Variants in FRAS1 observed in about 807,000 individuals in gnomAD.
FRAS1 encodes Fraser extracellular matrix complex subunit 1.
A neutral mutation model predicts 435.2 loss-of-function variants in FRAS1; 290 were observed. The observed-to-expected ratio is 0.67, with a 90% CI of 0.61 to 0.73. FRAS1 has a LOEUF of 0.73. Among genes scored for constraint, FRAS1 ranks in the 30% least tolerant of loss-of-function variants. The pLI is 0.00. For missense variants in FRAS1, 4,860 were observed against 5,001.5 expected (o/e 0.97, Z 0.85); for synonymous variants, 1,800 against 1,851.0 (o/e 0.97, Z 0.71).
At chr4:78,083,619 A>G (rs569423981) in intron 2 of FRAS1, among the ~76,000 whole-genome samples, 1 of 134,780 alleles carries the variant, frequency 7.4e-6, no homozygotes, top group Non-Finnish European at 1.5e-5. Flanking sequence ...CATTACATGC[A>G]AGTTCTGTTT....
At chr4:78,423,896 C>T (rs1733897151) in intron 34 of FRAS1, among the ~76,000 whole-genome samples, 1 of 152,174 alleles carries the variant, frequency 6.6e-6, no homozygotes, top group African/African-American at 2.4e-5. Context: ...ACTAAACTCG[C>T]CCGAGTTCCT....
chr4:78,142,346 A>G (rs1720229982), intron 2 of FRAS1, among the ~76,000 whole-genome samples: 1 of 151,974 alleles, frequency 6.6e-6, no homozygotes, highest in Non-Finnish European at 1.5e-5. Flanking sequence ...CCAGAAGCAA[A>G]ATTTTTCCTC....
chr4:78,479,523 A>G lies in FRAS1; in HGVS notation c.8248A>G (p.Met2750Val), dbSNP rs529505020. Reference protein sequence around the residue: ...SRVIFGPGVTMSTCDVMLIDD... With the variant: ...SRVIFGPGVTVSTCDVMLIDD... ...TGTGATATTCGGGCCTGGTGTGACCATGTCCACCTGTGATGTCATGCTTAT... is the reference window on the plus strand; with the variant it reads ...TGTGATATTCGGGCCTGGTGTGACCGTGTCCACCTGTGATGTCATGCTTAT... The change falls in exon 56 of 74, where the codon ATG becomes GTG. Residue 2750 changes from methionine (M) to valine (V), a missense_variant. Met to Val is a conservative substitution (Grantham distance 21). Transcript: ENST00000512123. 11 of 1,613,968 alleles carry G rather than the reference A, an allele frequency of 6.8e-6. No homozygotes were observed. Among genetic ancestry groups the G allele is most frequent in the South Asian group, 6.6e-5 (6 of 91,074 alleles).
chr4:78,463,879 G>T, intron 47 of FRAS1, 142 bp from the exon 48 acceptor site: 1 of 866,022 alleles, frequency 1.2e-6, no homozygotes, highest in Non-Finnish European at 1.8e-6. Flanking sequence ...CTAACAACAA[G>T]GTCCTCAAGT....
At chr4:78,160,682 C>A (rs1721101517) in intron 2 of FRAS1, among the ~76,000 whole-genome samples, 2 of 152,070 alleles carry the variant, frequency 1.3e-5, no homozygotes, top group South Asian at 4.1e-4. Context: ...ATGTTAAACA[C>A]CTGAACATGC....
At chr4:78,208,139 A>G (rs1189718118) in intron 2 of FRAS1, among the ~76,000 whole-genome samples, 1 of 152,130 alleles carries the variant, frequency 6.6e-6, no homozygotes, top group Non-Finnish European at 1.5e-5. Flanking sequence ...GACAACCCCC[A>G]CTAACAGCCC....
intron 2 of FRAS1, among the ~76,000 whole-genome samples, chr4:78,115,642 G>T (rs933390603): frequency 6.6e-6 from 1 of 152,028 alleles, no homozygotes; most frequent in African/African-American, 2.4e-5. Flanking sequence ...ATTCTCTGAT[G>T]GTAGTTTGTA....
intron 2 of FRAS1, among the ~76,000 whole-genome samples, chr4:78,145,536 A>C (rs2110004155): frequency 6.6e-6 from 1 of 152,320 alleles, no homozygotes; most frequent in African/African-American, 2.4e-5. Context: ...AGCTCATTGA[A>C]GGAAGGGTTA....
chr4:78,426,533 A>C (rs1734005185), intron 35 of FRAS1, among the ~76,000 whole-genome samples: 1 of 152,188 alleles, frequency 6.6e-6, no homozygotes, highest in Admixed American at 6.5e-5. Flanking sequence ...GGCAGGAAAA[A>C]GCCCAAGAGC....
At chr4:78,120,014 T>C (rs1718920357) in intron 2 of FRAS1, among the ~76,000 whole-genome samples, 1 of 152,204 alleles carries the variant, frequency 6.6e-6, no homozygotes, top group Admixed American at 6.5e-5. Flanking sequence ...AAAATATGTC[T>C]CTTTGTTTGC....
intron 2 of FRAS1, among the ~76,000 whole-genome samples, chr4:78,088,022 A>G (rs2109891285): frequency 6.6e-6 from 1 of 152,314 alleles, no homozygotes; most frequent in East Asian, 1.9e-4. Flanking sequence ...CTGACTTCAA[A>G]CTATACTACA....
intron 14 of FRAS1, among the ~76,000 whole-genome samples, chr4:78,296,093 G>A (rs1466513087): frequency 6.6e-6 from 1 of 151,164 alleles, no homozygotes; most frequent in Non-Finnish European, 1.5e-5. Flanking sequence ...TTCTCACTAA[G>A]CAGTGTTTCT....
Position 78,514,406 on chromosome 4 carries a change from C to G in FRAS1, c.10174+854C>G, listed in dbSNP as rs1431752064. Reference sequence around the variant, plus strand: ...ATTAAATGCATATTTCCTCCTTTCACAAATGATGAAACACTTAACAGTGTT... The same window carrying G: ...ATTAAATGCATATTTCCTCCTTTCAGAAATGATGAAACACTTAACAGTGTT... On this transcript the variant is annotated intron_variant, in intron 65 of 73. Transcript: ENST00000512123. Among the ~76,000 whole-genome samples, 5 of 152,364 alleles carry G rather than the reference C, an allele frequency of 3.3e-5. No individual in the cohort carries two copies. In the East Asian group the frequency reaches 9.6e-4, roughly 29 times the overall value.
chr4:78,099,614 C>T (rs1341482162), intron 2 of FRAS1, among the ~76,000 whole-genome samples: 1 of 152,188 alleles, frequency 6.6e-6, no homozygotes, highest in African/African-American at 2.4e-5. Context: ...TAATCTTACT[C>T]ATAATCCTGT....
intron 2 of FRAS1, among the ~76,000 whole-genome samples, chr4:78,211,233 C>A (rs1447891949): frequency 6.6e-6 from 1 of 152,048 alleles, no homozygotes; most frequent in East Asian, 1.9e-4. Context: ...TCTATGGAAA[C>A]CTGGGTGGTG....
chr4:78,367,158 A>G (rs368238735), intron 22 of FRAS1, among the ~76,000 whole-genome samples: 1 of 152,152 alleles, frequency 6.6e-6, no homozygotes, highest in African/African-American at 2.4e-5. Context: ...TAATCCCACC[A>G]CTTAGGGAGA....
At position 78,359,335 on chromosome 4, in the gene FRAS1, C is replaced by G. The variant is rs143110909; in HGVS notation, c.2423-4178C>G. ...GGTATTAATCCTCAAGCCCTTGTTGCTCTGATTTCTGGCTTCTTTCCGTGG... is the reference window on the plus strand; with the variant it reads ...GGTATTAATCCTCAAGCCCTTGTTGGTCTGATTTCTGGCTTCTTTCCGTGG... On this transcript the variant is annotated intron_variant, in intron 20 of 73. Transcript: ENST00000512123. 6.8e-4 allele frequency among the ~76,000 whole-genome samples: 104 copies of G among 152,276 alleles called. 1 individual carries two copies. The Middle Eastern group carries it at 0.027, about 40-fold the overall frequency.
intron 47 of FRAS1, among the ~76,000 whole-genome samples, chr4:78,452,887 A>AT (rs11403672): frequency 0.67 from 101,357 of 152,046 alleles, 34,482 homozygotes; most frequent in Non-Finnish European, 0.74. Context: ...TTTAAGAAAG[A>AT]TATAAACATG....
Position 78,319,753 on chromosome 4 carries a change from C to T in FRAS1, c.2137+767C>T, listed in dbSNP as rs62309887. 1.5e-4 allele frequency: 28 copies of T among 190,704 alleles called. No individual in the cohort carries two copies. The South Asian group carries it at 2.9e-3, about 19-fold the overall frequency. 11.8% of individuals were successfully genotyped at this position (190,704 alleles called of 1,614,324 possible). A position where few individuals can be genotyped will look rare whatever the true frequency, so the allele number is the denominator to read the frequency against. On this transcript the variant is annotated intron_variant, in intron 18 of 73. Coordinates refer to ENST00000512123, the MANE Select transcript of FRAS1 (RefSeq NM_025074.7). ...TATTTGTAACATAACAGTAAGCATG[C>T]TGCAAATTCAGTTTTGTATCCTACA... is the stretch of plus-strand genomic sequence containing the variant.
Sources: allele counts gnomAD v4.1 joint callset (sites outside exome capture counted in the v4.1 genomes callset), GRCh38; gene constraint gnomAD v4.1.1; transcripts MANE v1.5; gene names NCBI Gene and HGNC (gene_info 2026-07-23, HGNC 2026-07-21).